Variants in PIK3R4 observed in about 807,000 individuals in gnomAD.
PIK3R4 encodes the protein phosphoinositide 3-kinase regulatory subunit 4.
PIK3R4 carries 46 observed loss-of-function variants against 136.5 expected under a neutral mutation model. The observed-to-expected ratio is 0.34, with a 90% CI of 0.27 to 0.43. The LOEUF (loss-of-function observed/expected upper bound fraction) is 0.43. PIK3R4 is among the 20% of genes least tolerant of loss of function. The pLI is 1.00. For missense variants in PIK3R4, 1,331 were observed against 1,649.5 expected (o/e 0.81, Z 3.35); for synonymous variants, 557 against 566.7 (o/e 0.98, Z 0.24).
intron 9 of PIK3R4, 64 bp downstream of exon 9, chr3:130,716,332 T>C (rs999411285): frequency 2.3e-6 from 3 of 1,307,232 alleles, no homozygotes; most frequent in Non-Finnish European, 3.3e-6. Context: ...AAAAACTAAA[T>C]GGACACTTCA....
chr3:130,734,718 C>A (rs2107620043), intron 3 of PIK3R4, among the ~76,000 whole-genome samples: 1 of 143,000 alleles, frequency 7.0e-6, no homozygotes, highest in East Asian at 2.0e-4. Flanking sequence ...AAATGATACA[C>A]CTAATTTGAA....
chr3:130,720,505 G>A lies in PIK3R4; in HGVS notation c.1982-1971C>T, dbSNP rs375747209. ...ATTCAACTTATCAGAAGACAAATGT[G>A]GGGGAAAATATTAATAATAGCTAAG... is the stretch of plus-strand genomic sequence containing the variant. On this transcript the variant is annotated intron_variant, in intron 7 of 19. Transcript: ENST00000356763. 5.3e-5 allele frequency among the ~76,000 whole-genome samples: 8 copies of A among 152,228 alleles called. No individual in the cohort carries two copies. The South Asian group carries it at 8.3e-4, about 16-fold the overall frequency.
intron 4 of PIK3R4, among the ~76,000 whole-genome samples, chr3:130,731,294 T>G (rs1017274380): frequency 5.9e-5 from 9 of 152,198 alleles, no homozygotes; most frequent in Non-Finnish European, 8.8e-5. Context: ...ACCTTAAACT[T>G]AAAATAACCT....
chr3:130,745,283 A>T lies in PIK3R4; in HGVS notation c.-46-19T>A. 6.9e-7 allele frequency: 1 copy of T among 1,452,378 alleles called. No individual in the cohort carries two copies. Among genetic ancestry groups the T allele is most frequent in the Non-Finnish European group, 9.2e-7 (1 of 1,090,258 alleles). The allele number at this position is 1,452,378 out of a possible 1,614,324, so 90.0% of individuals were successfully genotyped here. On this transcript the variant is annotated intron_variant, in intron 1 of 19. Transcript: ENST00000356763. The stretch of plus-strand genomic sequence containing the variant: ...ATAATACCTGTTTAAAATAAAAACA[A>T]ATGAAGAAAAAAGACAAGAAACAAA...
At position 130,707,086 on chromosome 3, in the gene PIK3R4, G is replaced by A; in HGVS notation, c.2583C>T (p.Ser861=). 1.2e-6 allele frequency: 2 copies of A among 1,608,276 alleles called. No homozygotes were observed. The highest frequency in any genetic ancestry group is 2.2e-5 in the South Asian group (2 of 90,066). The change falls in exon 11 of 20, where the codon AGC becomes AGT. Residue 861 remains serine (S), a synonymous_variant. Coordinates refer to ENST00000356763, the MANE Select transcript of PIK3R4 (RefSeq NM_014602.3). ...QDSNVNEEWK[S]MFGSLDPPNM... Reference sequence around the variant, plus strand: ...TTGGTGGGTCCAGTGACCCAAACATGCTTTTCCATTCTTCATTTACATTTG... The same window carrying A: ...TTGGTGGGTCCAGTGACCCAAACATACTTTTCCATTCTTCATTTACATTTG...
At chr3:130,689,629 C>T (rs2066506134) in intron 14 of PIK3R4, among the ~76,000 whole-genome samples, 1 of 152,288 alleles carries the variant, frequency 6.6e-6, no homozygotes, top group African/African-American at 2.4e-5. Flanking sequence ...TAAACAACTC[C>T]TCATTTTGCT....
rs898010945 is a variant in PIK3R4, at chr3:130,746,713, G to C, written c.-442C>G. On this transcript the variant is annotated 5_prime_UTR_variant, in exon 1 of 20. Coordinates refer to ENST00000356763, the MANE Select transcript of PIK3R4 (RefSeq NM_014602.3). The stretch of plus-strand genomic sequence containing the variant: ...TCCTCGAGGGCCTCACCACCGGGCG[G>C]GGGGAGATGGAACCCGGGAGAGAAG... The C allele has an allele frequency of 6.6e-6, 1 of 152,342 alleles. No individual in the cohort carries two copies. Among genetic ancestry groups the C allele is most frequent in the African/African-American group, 2.4e-5 (1 of 41,440 alleles). 9.4% of individuals were successfully genotyped at this position (152,342 alleles called of 1,614,324 possible). A position where few individuals can be genotyped will look rare whatever the true frequency, so the allele number is the denominator to read the frequency against.
Position 130,728,487 on chromosome 3 carries a change from C to T in PIK3R4, c.1783G>A (p.Gly595Arg), listed in dbSNP as rs2066745017. The change falls in exon 6 of 20, where the codon GGA becomes AGA. Residue 595 changes from glycine to arginine, a missense_variant. Gly to Arg is a moderately radical substitution (Grantham distance 125). Coordinates refer to ENST00000356763, the MANE Select transcript of PIK3R4 (RefSeq NM_014602.3). The part of the protein sequence containing the change: ...LNDKNDWHLR[G>R]AFFDSIVGVA... ...CCAACTATACTATCAAAAAATGCTC[C>T]ACGTAGATGCCAATCATTCTTATCA... 9 of 1,609,202 alleles carry T rather than the reference C, an allele frequency of 5.6e-6. No homozygotes were observed. Among genetic ancestry groups the T allele is most frequent in the Non-Finnish European group, 7.6e-6 (9 of 1,177,760 alleles).
rs764001830 is a variant in PIK3R4 at position 130,735,997 on chromosome 3, C to T, written c.739G>A (p.Val247Met). 6.2e-7 allele frequency: 1 copy of T among 1,606,084 alleles called. No individual in the cohort carries two copies. Among genetic ancestry groups the T allele is most frequent in the Non-Finnish European group, 8.5e-7 (1 of 1,177,058 alleles). ...RAMDIFSAGC[V>M]IAELFTEGVP... ...CCTTCTGTAAAAAGCTCAGCTATCA[C>T]ACAACCTGAAAAATAGCAGGTATAA... The change falls in exon 3 of 20, where the codon GTG (valine) becomes ATG (methionine). Residue 247 changes from valine (V) to methionine (M), a missense_variant. By Grantham distance (21) the Val-to-Met change is conservative. This residue lies in a region of PIK3R4 where 1,180 missense variants were observed against 1,407.0 expected (regional missense o/e 0.84). Transcript: ENST00000356763.
intron 14 of PIK3R4, among the ~76,000 whole-genome samples, chr3:130,687,662 A>G (rs965404488): frequency 1.3e-5 from 2 of 152,154 alleles, no homozygotes; most frequent in Non-Finnish European, 2.9e-5. Context: ...TTATACCACT[A>G]TGGATTCACA....
intron 15 of PIK3R4, 64 bp from the exon 16 acceptor site, chr3:130,684,445 A>T (rs921118153): frequency 7.1e-7 from 1 of 1,416,788 alleles, no homozygotes; most frequent in African/African-American, 1.4e-5. Context: ...CTGCATTTAT[A>T]CAAATGAAAA....
At chr3:130,730,091 T>C (rs960178672) in intron 5 of PIK3R4, among the ~76,000 whole-genome samples, 5 of 152,194 alleles carry the variant, frequency 3.3e-5, no homozygotes, top group Admixed American at 1.3e-4. Flanking sequence ...TGACAAACAA[T>C]TGACTTTAGT....
Position 130,708,372 on chromosome 3 carries a change from C to T in PIK3R4, c.2452G>A (p.Val818Ile), listed in dbSNP as rs772130832. The T allele has an allele frequency of 5.6e-6, 9 of 1,613,672 alleles. No individual in the cohort carries two copies. The highest frequency in any genetic ancestry group is 1.3e-5 in the African/African-American group (1 of 74,916). Residue 818 changes from valine (V) to isoleucine (I), a missense_variant, in exon 10 of 20, where the codon GTA becomes ATA. Coordinates refer to ENST00000356763, the MANE Select transcript of PIK3R4 (RefSeq NM_014602.3). ...SHLHDSSQKG[V>I]IDLAALGITG... ...ATGCCTAAAGCTGCCAAGTCAATTA[C>T]ACCTTTCTGACTACTATCATGAAGA...
At chr3:130,711,999 A>G (rs1417376967) in intron 9 of PIK3R4, among the ~76,000 whole-genome samples, 1 of 152,250 alleles carries the variant, frequency 6.6e-6, no homozygotes, top group African/African-American at 2.4e-5. Context: ...ATTATTTATT[A>G]GCACCTGATT....
At chr3:130,721,584 T>C (rs574147811) in intron 7 of PIK3R4, among the ~76,000 whole-genome samples, 1 of 152,286 alleles carries the variant, frequency 6.6e-6, no homozygotes, top group East Asian at 1.9e-4. Flanking sequence ...TCCTGTTATT[T>C]GCAACAACAC....
chr3:130,680,881 T>C, intron 18 of PIK3R4, 96 bp downstream of exon 18: 1 of 770,686 alleles, frequency 1.3e-6, no homozygotes, highest in Non-Finnish European at 2.2e-6. Flanking sequence ...TTAACAGCTG[T>C]CCTTATAAGA....
chr3:130,690,463 GT>G, intron 14 of PIK3R4, 26 bp downstream of exon 14: 2 of 1,578,988 alleles, frequency 1.3e-6, no homozygotes, highest in South Asian at 1.1e-5. Context: ...TAAATACAAT[GT>G]TTAAGAAAGA....
In PIK3R4 at chr3:130,710,649, A is replaced by G. The variant is rs372686047; in HGVS notation, c.2332-2157T>C. 2.4e-4 allele frequency among the ~76,000 whole-genome samples: 37 copies of G among 152,324 alleles called. 1 individual carries two copies. The South Asian group carries it at 7.5e-3, about 31-fold the overall frequency. ...AATAGTCACTGTTCACACATGATAC[A>G]ACTGTGAATGTACAAGTTCAAAAGA... is the stretch of plus-strand genomic sequence containing the variant. On this transcript the variant is annotated intron_variant, in intron 9 of 19. Transcript: ENST00000356763.
intron 3 of PIK3R4, 150 bp from the exon 4 acceptor site, chr3:130,734,280 G>A: frequency 1.6e-6 from 1 of 637,152 alleles, no homozygotes. Context: ...CTAGAAAGCA[G>A]TAAAAAATTA....
Sources: allele counts gnomAD v4.1 joint callset (sites outside exome capture counted in the v4.1 genomes callset), GRCh38; gene constraint gnomAD v4.1.1; regional missense constraint gnomAD v4.1.1; transcripts MANE v1.5; gene names NCBI Gene and HGNC (gene_info 2026-07-23, HGNC 2026-07-21).